MED15: variants seen among roughly 807,000 people sequenced by gnomAD.
MED15 encodes the protein mediator complex subunit 15, also known as mediator of RNA polymerase II transcription subunit 15.
Under a neutral mutation model 118.7 loss-of-function variants are expected in MED15, and 41 were observed. The observed-to-expected ratio is 0.35, with a 90% CI of 0.27 to 0.45. The LOEUF (loss-of-function observed/expected upper bound fraction) is 0.45. Among genes scored for constraint, MED15 ranks in the 20% least tolerant of loss-of-function variants. The probability of loss-of-function intolerance (pLI) is 1.00; values close to 1 mark genes in which losing one functional copy is unlikely to be tolerated. For synonymous variants in MED15, 436 were observed against 413.9 expected (o/e 1.05, Z -0.65); for missense variants, 740 against 1,025.5 (o/e 0.72, Z 3.80).
intron 7 of MED15, among the ~76,000 whole-genome samples, chr22:20,567,246 A>C (rs541607618): frequency 6.6e-6 from 1 of 152,334 alleles, no homozygotes; most frequent in East Asian, 1.9e-4. Context: ...ACACTCTGCC[A>C]AGTCTCAGGA....
chr22:20,543,102 C>G (rs965520873), intron 2 of MED15, among the ~76,000 whole-genome samples: 1 of 146,560 alleles, frequency 6.8e-6, no homozygotes, highest in African/African-American at 2.5e-5. Context: ...CTCAATTTCT[C>G]TCTCTTCTTT....
At chr22:20,532,828 C>G (rs1009067748) in intron 1 of MED15, among the ~76,000 whole-genome samples, 2 of 152,220 alleles carry the variant, frequency 1.3e-5, no homozygotes, top group African/African-American at 2.4e-5. Flanking sequence ...CCAGTCTGCT[C>G]TTTGTCCTCC....
intron 1 of MED15, chr22:20,523,819 C>A: frequency 2.0e-6 from 2 of 985,430 alleles, no homozygotes. Flanking sequence ...GCTTAGACAA[C>A]AGTACACAGT....
intron 1 of MED15, chr22:20,522,029 C>T (rs2054482402): frequency 6.6e-6 from 1 of 152,210 alleles, no homozygotes; most frequent in African/African-American, 2.4e-5. Context: ...CCGTGACCAG[C>T]CTGTTCTTGT....
rs1168989263 is a variant in MED15 at position 20,537,160 on chromosome 22, A to G, written c.112A>G (p.Ser38Gly). Residue 38 changes from serine (S) to glycine (G), a missense_variant, in exon 2 of 18, where the codon AGC becomes GGC. Ser to Gly is a moderately conservative substitution (Grantham distance 56, BLOSUM62 0). Around this residue, in one of 7 missense-constraint regions of MED15, gnomAD observed 33 missense variants for 78.2 expected, o/e 0.42. Coordinates refer to ENST00000263205, the MANE Select transcript of MED15 (RefSeq NM_001003891.3). Reference protein sequence around the residue: ...RKAGVAHSKSSKDMESHVFLK... With the variant: ...RKAGVAHSKSGKDMESHVFLK... ...AGCTGGTGTGGCACACAGTAAATCC[A>G]GCAAGGATATGGAGAGCCATGTTTT... 1 of 1,614,030 alleles carries G rather than the reference A, an allele frequency of 6.2e-7. No homozygotes were observed. Among genetic ancestry groups the G allele is most frequent in the South Asian group, 1.1e-5 (1 of 91,086 alleles).
chr22:20,551,031 G>T, intron 2 of MED15: 1 of 443,902 alleles, frequency 2.3e-6, no homozygotes. Context: ...TTTACAGATA[G>T]TGCAAAGACA....
intron 8 of MED15, among the ~76,000 whole-genome samples, chr22:20,570,738 C>CTTTTTTTTTT (rs2056622196): frequency 3.3e-5 from 3 of 90,984 alleles, no homozygotes; most frequent in Non-Finnish European, 6.2e-5. Context: ...TTCTTTCTTT[C>CTTTTTTTTTT]TTTCTTTCTT....
At chr22:20,560,349 C>T (rs984468958) in intron 5 of MED15, among the ~76,000 whole-genome samples, 3 of 152,126 alleles carry the variant, frequency 2.0e-5, no homozygotes, top group Non-Finnish European at 4.4e-5. Context: ...ACTGCAACCT[C>T]GACCTCCCAG....
At chr22:20,516,197 C>T (rs1368393162) in intron 1 of MED15, among the ~76,000 whole-genome samples, 3 of 151,312 alleles carry the variant, frequency 2.0e-5, no homozygotes, top group Non-Finnish European at 4.4e-5. Flanking sequence ...CCTGTAATCC[C>T]AGCTACTCAG....
At chr22:20,568,344 G>C in intron 7 of MED15, among the ~76,000 whole-genome samples, 177 bp from the exon 8 acceptor site, 1 of 152,128 alleles carries the variant, frequency 6.6e-6, no homozygotes, top group East Asian at 1.9e-4. Context: ...TGCCAGAATT[G>C]GATTTGAGCT....
chr22:20,535,488 C>A (rs994041321), intron 1 of MED15, among the ~76,000 whole-genome samples: 4 of 152,000 alleles, frequency 2.6e-5, no homozygotes, highest in Non-Finnish European at 4.4e-5. Flanking sequence ...TGGACTGGGC[C>A]TATTCAATTC....
intron 9 of MED15, among the ~76,000 whole-genome samples, chr22:20,581,127 C>G (rs573934693): frequency 2.0e-5 from 3 of 152,198 alleles, no homozygotes; most frequent in Non-Finnish European, 4.4e-5. Context: ...AGCCCCCCAC[C>G]CCCTGGTCTC....
At chr22:20,525,129 G>A (rs2054587253) in intron 1 of MED15, among the ~76,000 whole-genome samples, 1 of 151,972 alleles carries the variant, frequency 6.6e-6, no homozygotes, top group Non-Finnish European at 1.5e-5. Context: ...GTGAGATCCT[G>A]TCTCTATAAA....
intron 8 of MED15, among the ~76,000 whole-genome samples, chr22:20,570,412 GAC>G (rs2056602831): frequency 7.2e-6 from 1 of 139,264 alleles, no homozygotes; most frequent in Admixed American, 7.4e-5. Flanking sequence ...TTTTTTTTGA[GAC>G]AGAGTCTGAC....
intron 1 of MED15, among the ~76,000 whole-genome samples, chr22:20,515,674 C>T (rs11703134): frequency 0.11 from 16,499 of 151,306 alleles, 1,258 homozygotes; most frequent in Non-Finnish European, 0.15. Flanking sequence ...CCTGTAGTCC[C>T]GGTGGGGAGG....
At chr22:20,579,839 T>C (rs760686341) in intron 9 of MED15, among the ~76,000 whole-genome samples, 2 of 152,068 alleles carry the variant, frequency 1.3e-5, no homozygotes, top group Non-Finnish European at 2.9e-5. Context: ...GACACACAGG[T>C]GACAGGTGGT....
chr22:20,563,193 C>T (rs2056309670), intron 5 of MED15, among the ~76,000 whole-genome samples: 1 of 152,212 alleles, frequency 6.6e-6, no homozygotes, highest in African/African-American at 2.4e-5. Context: ...AGCAGTTACA[C>T]TCTTGGGTAT....
At chr22:20,551,773 A>C in intron 3 of MED15, 1 of 474,384 alleles carries the variant, frequency 2.1e-6, no homozygotes. Context: ...CTCCCTTTTC[A>C]TAGGGCTGTT....
At chr22:20,559,610 A>C (rs987843270) in intron 5 of MED15, among the ~76,000 whole-genome samples, 3 of 152,246 alleles carry the variant, frequency 2.0e-5, no homozygotes, top group African/African-American at 7.2e-5. Flanking sequence ...AATGTCTTAG[A>C]AATAGGCAGT....
Sources: gnomAD v4.1 joint callset for allele counts (sites outside exome capture counted in the v4.1 genomes callset) on GRCh38, gnomAD v4.1.1 for gene constraint, gnomAD v4.1.1 regional missense constraint, MANE v1.5 for transcripts, NCBI Gene and HGNC (gene_info 2026-07-23, HGNC 2026-07-21) for gene names.